The following C13orf42 variants were observed in gnomAD, a reference collection of about 807,000 sequenced individuals.
C13orf42 encodes the protein chromosome 13 open reading frame 42.
At chr13:51,125,212 A>G (rs955041919) in intron 1 of C13orf42, among the ~76,000 whole-genome samples, 3 of 152,218 alleles carry the variant, frequency 2.0e-5, no homozygotes, top group African/African-American at 7.2e-5. Flanking sequence ...TATAGGTCAT[A>G]AATCTTTCAA....
Position 51,109,151 on chromosome 13 carries a change from G to C in C13orf42, c.414+1645C>G, listed in dbSNP as rs560606615. ...GAGTCAGCACCAGGACTCGTGACTA[G>C]GACCCTTTTTTATGGGCCCCCAACA... On this transcript the variant is annotated intron_variant, in intron 1 of 3. Coordinates refer to ENST00000563710, the MANE Select transcript of C13orf42 (RefSeq NM_001351589.3). Among the ~76,000 whole-genome samples, 29 of 152,336 alleles carry C rather than the reference G, an allele frequency of 1.9e-4. No homozygotes were observed. The East Asian group carries it at 5.0e-3, about 26-fold the overall frequency.
intron 1 of C13orf42, among the ~76,000 whole-genome samples, chr13:51,122,345 C>T (rs908811908): frequency 1.3e-5 from 2 of 151,766 alleles, no homozygotes; most frequent in Non-Finnish European, 2.9e-5. Flanking sequence ...ACCACCCTGG[C>T]CAACATGGTG....
At chr13:51,145,924 C>G (rs893206903) in intron 1 of C13orf42, among the ~76,000 whole-genome samples, 2 of 152,196 alleles carry the variant, frequency 1.3e-5, no homozygotes, top group Non-Finnish European at 2.9e-5. Flanking sequence ...CTCAGGACTT[C>G]CTGAGGCTGT....
At chr13:51,144,831 A>T (rs1368134524) in intron 1 of C13orf42, among the ~76,000 whole-genome samples, 1 of 152,236 alleles carries the variant, frequency 6.6e-6, no homozygotes, top group Non-Finnish European at 1.5e-5. Flanking sequence ...CTTATCTGAG[A>T]TTCCTCCTAT....
chr13:51,151,781 G>A (rs1331704853), intron 1 of C13orf42, among the ~76,000 whole-genome samples: 2 of 152,224 alleles, frequency 1.3e-5, no homozygotes, highest in African/African-American at 4.8e-5. Context: ...AAGGCTTCCT[G>A]GAGCAGAGGA....
At chr13:51,171,644 G>T (rs1033965431) in intron 1 of C13orf42, among the ~76,000 whole-genome samples, 2 of 152,086 alleles carry the variant, frequency 1.3e-5, no homozygotes, top group African/African-American at 4.8e-5. Context: ...ACCTGGTCGG[G>T]CTTACAGTTT....
Position 51,088,049 on chromosome 13 carries a change from C to A in C13orf42, c.441G>T (p.Gln147His), listed in dbSNP as rs765964886. 3.3e-5 allele frequency: 13 copies of A among 398,728 alleles called. No individual in the cohort carries two copies. The highest frequency in any genetic ancestry group is 5.7e-5 in the Non-Finnish European group (13 of 226,188). 24.7% of individuals were successfully genotyped at this position (398,728 alleles called of 1,614,324 possible). A position where few individuals can be genotyped will look rare whatever the true frequency, so the allele number is the denominator to read the frequency against. Residue 147 changes from glutamine (Q) to histidine (H), a missense_variant, in exon 2 of 4, where the codon CAG becomes CAT. Coordinates refer to ENST00000563710, the MANE Select transcript of C13orf42 (RefSeq NM_001351589.3). ...TGGCCTCGGCCACATCAGCACTGAA[C>A]TGCGAGTATTTCTTTGGGGTTGCTT... is the stretch of plus-strand genomic sequence containing the variant. ...IKKATPKKYS[Q>H]FSADVAEAIA...
chr13:51,106,794 A>C (rs995339195), intron 1 of C13orf42, among the ~76,000 whole-genome samples: 1 of 152,160 alleles, frequency 6.6e-6, no homozygotes, highest in Non-Finnish European at 1.5e-5. Flanking sequence ...CACACTTCAA[A>C]CATGCCATCC....
chr13:51,141,713 G>T (rs985982082), intron 1 of C13orf42, among the ~76,000 whole-genome samples: 1 of 151,794 alleles, frequency 6.6e-6, no homozygotes, highest in Non-Finnish European at 1.5e-5. Flanking sequence ...CAGGAGAATC[G>T]CTTGAACCTG....
intron 1 of C13orf42, among the ~76,000 whole-genome samples, chr13:51,108,164 T>C (rs547143859): frequency 6.6e-6 from 1 of 152,254 alleles, no homozygotes; most frequent in African/African-American, 2.4e-5. Context: ...ACCAGTCCTA[T>C]GGGATTAGGG....
chr13:51,168,450 G>GTTC (rs1179897820), intron 1 of C13orf42, among the ~76,000 whole-genome samples: 1 of 152,230 alleles, frequency 6.6e-6, no homozygotes, highest in Admixed American at 6.5e-5. Context: ...ATGCAGCAAA[G>GTTC]TTCTGACAAG....
At chr13:51,126,361 C>T (rs1489749631) in intron 1 of C13orf42, among the ~76,000 whole-genome samples, 1 of 152,154 alleles carries the variant, frequency 6.6e-6, no homozygotes, top group Non-Finnish European at 1.5e-5. Flanking sequence ...TTATAAAGCA[C>T]CTATTCTATT....
chr13:51,082,531 GAC>G lies in C13orf42; in HGVS notation c.*1618_*1619del, dbSNP rs1953075890. 6.6e-6 allele frequency: 1 copy of G among 152,176 alleles called. No individual in the cohort carries two copies. The highest frequency in any genetic ancestry group is 2.4e-5 in the African/African-American group (1 of 41,448). The allele number at this position is 152,176 out of a possible 1,614,324, so 9.4% of individuals were successfully genotyped here. On this transcript the variant is annotated 3_prime_UTR_variant, in exon 4 of 4. Transcript: ENST00000563710. Reference sequence around the variant, plus strand: ...GTAGTTTGATAAGAGGCAGAGTAAAGACACCTTTATCCTGAGTTTATCCCCAA... The same window carrying G: ...GTAGTTTGATAAGAGGCAGAGTAAAGACCTTTATCCTGAGTTTATCCCCAA...
Position 51,082,702 on chromosome 13 carries a change from G to A in C13orf42, c.*1449C>T, listed in dbSNP as rs1444091038. The A allele has an allele frequency of 6.6e-6, 1 of 152,258 alleles. No individual in the cohort carries two copies. Among genetic ancestry groups the A allele is most frequent in the East Asian group, 1.9e-4 (1 of 5,208 alleles). The allele number at this position is 152,258 out of a possible 1,614,324, so 9.4% of individuals were successfully genotyped here. ...CTTTCCAGTCAAGCTTCTGGCTATA[G>A]CTGGGTTAGTACAAGCAACAAAATG... On this transcript the variant is annotated 3_prime_UTR_variant, in exon 4 of 4. Coordinates refer to ENST00000563710, the MANE Select transcript of C13orf42 (RefSeq NM_001351589.3).
chr13:51,171,125 T>G (rs1037233617), intron 1 of C13orf42, among the ~76,000 whole-genome samples: 3 of 152,018 alleles, frequency 2.0e-5, no homozygotes, highest in Non-Finnish European at 4.4e-5. Flanking sequence ...TCACTATGGG[T>G]AAGCTTCCAC....
intron 1 of C13orf42, among the ~76,000 whole-genome samples, chr13:51,159,052 G>C (rs978484610): frequency 3.3e-5 from 5 of 152,172 alleles, no homozygotes; most frequent in Non-Finnish European, 2.9e-5. Context: ...GGACTGATTA[G>C]ATGCCAGAAT....
intron 2 of C13orf42, among the ~76,000 whole-genome samples, chr13:51,086,490 G>A (rs991471931): frequency 1.3e-5 from 2 of 150,416 alleles, no homozygotes. Context: ...GTGTGTGTAA[G>A]AGAGTGTGTG....
At chr13:51,099,607 G>C (rs1194074872) in intron 1 of C13orf42, among the ~76,000 whole-genome samples, 65 of 152,260 alleles carry the variant, frequency 4.3e-4, no homozygotes, top group Non-Finnish European at 5.9e-5. Context: ...AACAGTTTTA[G>C]GCTTACTTTT....
intron 1 of C13orf42, among the ~76,000 whole-genome samples, chr13:51,131,110 G>A (rs1203248389): frequency 6.6e-6 from 1 of 152,164 alleles, no homozygotes; most frequent in Admixed American, 6.5e-5. Context: ...AAACCGTGCT[G>A]ATCCTTTGTT....
Sources: allele counts gnomAD v4.1 joint callset (sites outside exome capture counted in the v4.1 genomes callset), GRCh38; gene constraint gnomAD v4.1.1; transcripts MANE v1.5; gene names NCBI Gene and HGNC (gene_info 2026-07-23, HGNC 2026-07-21).